SSH1: variants seen among roughly 807,000 people sequenced by gnomAD.
SSH1 encodes the protein protein phosphatase Slingshot homolog 1.
SSH1 carries 43 observed loss-of-function variants against 79.7 expected under a neutral mutation model. The ratio of observed to expected loss-of-function variants is 0.54; its 90% CI spans 0.42 to 0.70. The LOEUF (loss-of-function observed/expected upper bound fraction) is 0.70, where lower values mean the gene tolerates loss of function less well. SSH1 is among the 30% of genes least tolerant of loss of function. SSH1 has a pLI of 0.00. For synonymous variants in SSH1, 599 were observed against 538.3 expected, an observed-to-expected ratio of 1.11 and a Z score of -1.56; for missense variants, 1,206 against 1,358.8, an observed-to-expected ratio of 0.89 and a Z score of 1.77.
At chr12:108,793,372 C>T (rs1249992507) in intron 13 of SSH1, among the ~76,000 whole-genome samples, 2 of 150,562 alleles carry the variant, frequency 1.3e-5, no homozygotes, top group Admixed American at 6.6e-5. Flanking sequence ...ATTTCTTCTA[C>T]TATGATGACA....
At position 108,817,040 on chromosome 12, in the gene SSH1, T is replaced by C; in HGVS notation, c.399A>G (p.Glu133=). 3 of 1,613,888 alleles carry C rather than the reference T, an allele frequency of 1.9e-6. No homozygotes were observed. The highest frequency in any genetic ancestry group is 2.5e-6 in the Non-Finnish European group (3 of 1,179,794). Residue 133 remains glutamate (E), a splice_region_variant and synonymous_variant, in exon 5 of 15, where the codon GAA becomes GAG. Coordinates refer to ENST00000326495, the MANE Select transcript of SSH1 (RefSeq NM_018984.4). The part of the protein sequence containing the change: ...ILLGVDFSSK[E]SKSCTIGMVL... Reference sequence around the variant, plus strand: ...AACACCTAGCCCATCAGACTCACCTTTCCTTACTGGAAAAGTCCACTCCCA... The same window carrying C: ...AACACCTAGCCCATCAGACTCACCTCTCCTTACTGGAAAAGTCCACTCCCA...
At position 108,792,267 on chromosome 12, in the gene SSH1, C is replaced by T. The variant is rs764027120; in HGVS notation, c.1893+19G>A. The T allele has an allele frequency of 9.3e-6, 15 of 1,614,062 alleles. No individual in the cohort carries two copies. The highest frequency in any genetic ancestry group is 1.2e-5 in the Non-Finnish European group (14 of 1,180,040). Reference sequence around the variant, plus strand: ...GGAAGGGATGGGGTGTGCCACCCTGCAGGCCGGGCTCTGCCTACCTCCATG... The same window carrying T: ...GGAAGGGATGGGGTGTGCCACCCTGTAGGCCGGGCTCTGCCTACCTCCATG... On this transcript the variant is annotated intron_variant, in intron 14 of 14. Transcript: ENST00000326495.
intron 2 of SSH1, among the ~76,000 whole-genome samples, chr12:108,845,594 G>C (rs180779002): frequency 6.6e-6 from 1 of 152,344 alleles, no homozygotes; most frequent in Admixed American, 6.5e-5. Flanking sequence ...GGCTGAGGCA[G>C]GAGAATCGCT....
chr12:108,846,242 CA>C (rs979718529), intron 2 of SSH1, among the ~76,000 whole-genome samples: 4 of 152,134 alleles, frequency 2.6e-5, no homozygotes, highest in Admixed American at 2.6e-4. Flanking sequence ...CACAAATGAG[CA>C]AATTATAATA....
chr12:108,856,828 C>T (rs1415000290), intron 1 of SSH1, among the ~76,000 whole-genome samples: 4 of 152,240 alleles, frequency 2.6e-5, no homozygotes, highest in African/African-American at 7.2e-5. Context: ...GTCTCAGAAC[C>T]AGCGGCTCAC....
intron 2 of SSH1, among the ~76,000 whole-genome samples, chr12:108,851,345 G>T (rs1211024239): frequency 6.6e-6 from 1 of 152,184 alleles, no homozygotes; most frequent in Non-Finnish European, 1.5e-5. Flanking sequence ...TTCTGCATAT[G>T]AGTTTGACCA....
chr12:108,824,998 A>C (rs1208867120), intron 2 of SSH1, among the ~76,000 whole-genome samples: 1 of 152,242 alleles, frequency 6.6e-6, no homozygotes, highest in East Asian at 1.9e-4. Flanking sequence ...TATATTAAAC[A>C]TATATTAACC....
Position 108,785,571 on chromosome 12 carries a change from G to A in SSH1, c.*2417C>T, listed in dbSNP as rs770954869. 2 of 152,146 alleles carry A rather than the reference G, an allele frequency of 1.3e-5. No homozygotes were observed. Among genetic ancestry groups the A allele is most frequent in the African/African-American group, 2.4e-5 (1 of 41,408 alleles). The allele number at this position is 152,146 out of a possible 1,614,324, so 9.4% of individuals were successfully genotyped here. On this transcript the variant is annotated 3_prime_UTR_variant, in exon 15 of 15. Transcript: ENST00000326495. ...ACTCTGCTCTGTGGACGGGACCAGCGCTCTCGTCTGGATGTTGATATGCTA... is the reference window on the plus strand; with the variant it reads ...ACTCTGCTCTGTGGACGGGACCAGCACTCTCGTCTGGATGTTGATATGCTA...
intron 9 of SSH1, among the ~76,000 whole-genome samples, chr12:108,805,810 A>G (rs1395163938): frequency 1.3e-5 from 2 of 152,120 alleles, no homozygotes; most frequent in Admixed American, 6.5e-5. Flanking sequence ...AAAGCAATGG[A>G]AAAAAAAGTG....
intron 2 of SSH1, among the ~76,000 whole-genome samples, chr12:108,851,870 T>C (rs529044243): frequency 6.7e-6 from 1 of 148,914 alleles, no homozygotes; most frequent in East Asian, 2.0e-4. Context: ...TGATTATTAC[T>C]TTTTTTTTTA....
rs556279021 is a variant in SSH1, at chr12:108,826,977, G to A, written c.111-3616C>T. Among the ~76,000 whole-genome samples the A allele has an allele frequency of 5.5e-4, 83 of 150,274 alleles. 1 individual carries two copies. Among genetic ancestry groups the A allele is most frequent in the Non-Finnish European group, 1.2e-3 (79 of 67,736 alleles). ...CAAAACGGAAATGTCTTCCTCCACC[G>A]CTGTAAGAAAAATCTTGATGAGGGA... On this transcript the variant is annotated intron_variant, in intron 2 of 14. Coordinates refer to ENST00000326495, the MANE Select transcript of SSH1 (RefSeq NM_018984.4).
chr12:108,792,450 G>C lies in SSH1; in HGVS notation c.1729C>G (p.Pro577Ala), dbSNP rs1343591105. Residue 577 changes from proline to alanine, a missense_variant, in exon 14 of 15, where the codon CCC becomes GCC. Physicochemically the swap from Pro to Ala is conservative, Grantham distance 27 (BLOSUM62 -1). This residue lies in a region of SSH1 where 709 missense variants were observed against 730.6 expected (regional missense o/e 0.97). Coordinates refer to ENST00000326495, the MANE Select transcript of SSH1 (RefSeq NM_018984.4). The part of the protein sequence containing the change: ...DVKKKLEFGS[P>A]KGRSGSLLQV... ...AGCAAGGAGCCGCTCCGACCTTTGGGACTCCCAAACTCTAGTTTCTTCTTC... is the reference window on the plus strand; with the variant it reads ...AGCAAGGAGCCGCTCCGACCTTTGGCACTCCCAAACTCTAGTTTCTTCTTC... 1 of 1,614,206 alleles carries C rather than the reference G, an allele frequency of 6.2e-7. No homozygotes were observed. The highest frequency in any genetic ancestry group is 1.7e-5 in the Admixed American group (1 of 60,024).
In SSH1 at chr12:108,807,667, T is replaced by C; in HGVS notation, c.697A>G (p.Thr233Ala). The change falls in exon 8 of 15, where the codon ACG becomes GCG. Residue 233 changes from threonine (T) to alanine (A), a missense_variant. Thr to Ala is a moderately conservative substitution (Grantham distance 58). Around this residue, in one of 5 missense-constraint regions of SSH1, gnomAD observed 116 missense variants for 109.0 expected, o/e 1.06. Coordinates refer to ENST00000326495, the MANE Select transcript of SSH1 (RefSeq NM_018984.4). The surrounding 1 kb of genome is among the most constrained non-coding windows in gnomAD (Gnocchi z 5.2). ...AATAGCGCGGGGGAGTCGGGCCGCG[T>C]AGACTCCAGGTCCTGCATGGCGTTC... ...EWNAMQDLES[T>A]RPDSPALFVD... The C allele has an allele frequency of 6.2e-7, 1 of 1,612,880 alleles. No individual in the cohort carries two copies. The highest frequency in any genetic ancestry group is 8.5e-7 in the Non-Finnish European group (1 of 1,179,334).
rs927026142 is a variant in SSH1, at chr12:108,782,840, TA to T, written c.*5147del. On this transcript the variant is annotated 3_prime_UTR_variant, in exon 15 of 15. Coordinates refer to ENST00000326495, the MANE Select transcript of SSH1 (RefSeq NM_018984.4). ...AGATACTGCCTTTAAATATATTATT[TA>T]AAAAAACAAGAAGAAAAACAATAAA... 1 of 152,008 alleles carries T rather than the reference TA, an allele frequency of 6.6e-6. No individual in the cohort carries two copies. The highest frequency in any genetic ancestry group is 1.5e-5 in the Non-Finnish European group (1 of 68,012). 9.4% of individuals were successfully genotyped at this position (152,008 alleles called of 1,614,324 possible).
At chr12:108,847,832 TACA>T (rs2038932882) in intron 2 of SSH1, among the ~76,000 whole-genome samples, 1 of 152,148 alleles carries the variant, frequency 6.6e-6, no homozygotes, top group African/African-American at 2.4e-5. Context: ...CAGTTAGGGA[TACA>T]ACAAGGGCAC....
In SSH1 at chr12:108,804,523, C is replaced by T. The variant is rs532141330; in HGVS notation, c.954+533G>A. On this transcript the variant is annotated intron_variant, in intron 10 of 14. Transcript: ENST00000326495. ...GTACAACCCACCCAGAGCTACAGGACCCGGGTGAGGGCTTCCAGCGGCCCT... is the reference window on the plus strand; with the variant it reads ...GTACAACCCACCCAGAGCTACAGGATCCGGGTGAGGGCTTCCAGCGGCCCT... Among the ~76,000 whole-genome samples, 10 of 152,318 alleles carry T rather than the reference C, an allele frequency of 6.6e-5. No individual in the cohort carries two copies. In the South Asian group the frequency reaches 2.1e-3, roughly 32 times the overall value.
Position 108,799,140 on chromosome 12 carries a change from T to C in SSH1, c.1209A>G (p.Thr403=). 1 of 1,614,218 alleles carries C rather than the reference T, an allele frequency of 6.2e-7. No homozygotes were observed. The highest frequency in any genetic ancestry group is 8.5e-7 in the Non-Finnish European group (1 of 1,180,028). ...CKMGVSRSAS[T]VIAYAMKEFG... is the part of the protein sequence containing the mutation. ...ATTCCTTCATTGCATAGGCTATGAC[T>C]GTGGAGGCCGAGCGACTCACGCCCA... The change falls in exon 13 of 15, where the codon ACA becomes ACG. Residue 403 remains threonine (T), a synonymous_variant. Transcript: ENST00000326495.
Position 108,788,469 on chromosome 12 carries a change from A to G in SSH1, c.2669T>C (p.Leu890Ser). ...GGGGCTCTTCAGTGAGCCTCCTTCC[A>G]ATGAAGCGGGGGCGGCCTCTGACTT... ...DEKSEAAPAS[L>S]EGGSLKSPPP... The change falls in exon 15 of 15, where the codon TTG (leucine) becomes TCG (serine). Residue 890 changes from leucine (L) to serine (S), a missense_variant. Physicochemically the swap from Leu to Ser is moderately radical, Grantham distance 145. Coordinates refer to ENST00000326495, the MANE Select transcript of SSH1 (RefSeq NM_018984.4). 6.4e-7 allele frequency: 1 copy of G among 1,559,630 alleles called. No homozygotes were observed. The highest frequency in any genetic ancestry group is 8.7e-7 in the Non-Finnish European group (1 of 1,155,344).
chr12:108,809,811 G>C lies in SSH1; in HGVS notation c.471-53C>G. 3 of 1,507,114 alleles carry C rather than the reference G, an allele frequency of 2.0e-6. No individual in the cohort carries two copies. In the Admixed American group the frequency reaches 5.0e-5, roughly 25 times the overall value. 93.4% of individuals were successfully genotyped at this position (1,507,114 alleles called of 1,614,324 possible). ...ATCTGTGGTGAGAAATCAGCGCCTT[G>C]AGTGAAATCACTCTGGGAGGAGGGA... On this transcript the variant is annotated intron_variant, in intron 6 of 14. Transcript: ENST00000326495.
Sources: allele counts gnomAD v4.1 joint callset (sites outside exome capture counted in the v4.1 genomes callset), GRCh38; gene constraint gnomAD v4.1.1; regional missense constraint gnomAD v4.1.1; non-coding constraint Gnocchi (gnomAD v3.1); transcripts MANE v1.5; gene names NCBI Gene and HGNC (gene_info 2026-07-23, HGNC 2026-07-21).